The following AKR1B15 variants were observed in gnomAD, a reference collection of about 807,000 sequenced individuals.
AKR1B15 encodes estradiol 17-beta-dehydrogenase AKR1B15.
AKR1B15 carries 49 observed loss-of-function variants against 38.5 expected under a neutral mutation model. The observed-to-expected ratio is 1.27, with a 90% CI of 1.01 to 1.62. AKR1B15 has a LOEUF of 1.62. Ranked by LOEUF, AKR1B15 falls within the 40% of genes most tolerant of loss-of-function variation. The pLI is 0.00. For synonymous variants in AKR1B15, 137 were observed against 135.5 expected, an observed-to-expected ratio of 1.01 and a Z score of -0.08; for missense variants, 411 against 381.6, an observed-to-expected ratio of 1.08 and a Z score of -0.64.
At chr7:134,567,848 T>A (rs1781173750) in intron 3 of AKR1B15, among the ~76,000 whole-genome samples, 1 of 152,172 alleles carries the variant, frequency 6.6e-6, no homozygotes. Context: ...AAGGGCATAA[T>A]CATAAAATTA....
chr7:134,556,432 A>C (rs1794199037), intron 1 of AKR1B15, among the ~76,000 whole-genome samples: 1 of 152,122 alleles, frequency 6.6e-6, no homozygotes, highest in South Asian at 2.1e-4. Context: ...ACGTGCCCCC[A>C]TGCCCTTACA....
intron 6 of AKR1B15, chr7:134,573,526 ATGC>A: frequency 1.0e-6 from 1 of 985,448 alleles, no homozygotes; most frequent in Non-Finnish European, 1.2e-6. Context: ...TGAAACGAGC[ATGC>A]TTGAATACGT....
At chr7:134,564,911 G>A in intron 3 of AKR1B15, 142 bp downstream of exon 3, 2 of 504,898 alleles carry the variant, frequency 4.0e-6, no homozygotes, top group Non-Finnish European at 3.5e-6. Context: ...CTAGAGGATT[G>A]TAAATGCACC....
chr7:134,562,895 T>C lies in AKR1B15; in HGVS notation c.-22-1703T>C, dbSNP rs28524905. 4.6e-3 allele frequency among the ~76,000 whole-genome samples: 653 copies of C among 140,684 alleles called. 7 individuals carry two copies. Among genetic ancestry groups the C allele is most frequent in the African/African-American group, 0.017 (612 of 35,132 alleles). 92.3% of individuals were successfully genotyped at this position (140,684 alleles called of 152,430 possible). A position where few individuals can be genotyped will look rare whatever the true frequency, so the allele number is the denominator to read the frequency against. On this transcript the variant is annotated intron_variant, in intron 2 of 11. Coordinates refer to ENST00000457545, the MANE Select transcript of AKR1B15 (RefSeq NM_001080538.3). ...CTTTCTTTCTTTCTTTCTTTCCTTC[T>C]TTCTTCCTTCCTTCTTTCCTTCCTT...
In AKR1B15 at chr7:134,563,699, C is replaced by A. The variant is rs569845105; in HGVS notation, c.-22-899C>A. Among the ~76,000 whole-genome samples the A allele has an allele frequency of 2.0e-5, 3 of 152,308 alleles. No individual in the cohort carries two copies. In the East Asian group the frequency reaches 5.8e-4, roughly 29 times the overall value. On this transcript the variant is annotated intron_variant, in intron 2 of 11. Transcript: ENST00000457545. ...GCTAAAGGATTGTTAATGCACCAAT[C>A]AGCACTCTGTAAAAATGTACCAATC...
chr7:134,567,548 C>T (rs1458661299), intron 3 of AKR1B15, among the ~76,000 whole-genome samples: 1 of 123,568 alleles, frequency 8.1e-6, no homozygotes. Flanking sequence ...GTGGCTGGTG[C>T]TATTTTTTTT....
chr7:134,570,109 G>C (rs1256424363), intron 5 of AKR1B15: 1 of 152,638 alleles, frequency 6.6e-6, no homozygotes, highest in African/African-American at 2.4e-5. Context: ...CTAGGGGTAG[G>C]CCTCTAAAAT....
intron 11 of AKR1B15, among the ~76,000 whole-genome samples, chr7:134,578,851 A>T (rs1326201004): frequency 6.6e-6 from 1 of 152,202 alleles, no homozygotes; most frequent in African/African-American, 2.4e-5. Flanking sequence ...TATTTAGAGT[A>T]AAAAGGAAGG....
chr7:134,571,523 C>T (rs936395274), intron 5 of AKR1B15, 81 bp from the exon 6 acceptor site: 26 of 1,032,516 alleles, frequency 2.5e-5, no homozygotes, highest in Admixed American at 8.9e-5. Flanking sequence ...ATTTAGCAAG[C>T]ATCAGGATCC....
intron 2 of AKR1B15, among the ~76,000 whole-genome samples, chr7:134,558,929 A>G (rs941959236): frequency 2.6e-5 from 4 of 152,150 alleles, no homozygotes; most frequent in Non-Finnish European, 4.4e-5. Flanking sequence ...AGCTCGAACC[A>G]GCCTGGGAAG....
At chr7:134,564,818 G>A (rs1301367852) in intron 3 of AKR1B15, 49 bp downstream of exon 3, 11 of 581,372 alleles carry the variant, frequency 1.9e-5, no homozygotes, top group Non-Finnish European at 3.1e-5. Context: ...CAGTTGTGGT[G>A]TCCTGTTTAG....
intron 2 of AKR1B15, among the ~76,000 whole-genome samples, chr7:134,560,992 A>G (rs556688315): frequency 2.6e-5 from 4 of 152,130 alleles, no homozygotes; most frequent in Non-Finnish European, 5.9e-5. Context: ...AAATATACAC[A>G]TAGTTTACTG....
In AKR1B15 at chr7:134,564,786, G is replaced by A. The variant is rs373309291; in HGVS notation, c.150+17G>A. 1 of 651,930 alleles carries A rather than the reference G, an allele frequency of 1.5e-6. No homozygotes were observed. The highest frequency in any genetic ancestry group is 2.8e-5 in the East Asian group (1 of 35,918). 40.4% of individuals were successfully genotyped at this position (651,930 alleles called of 1,614,324 possible). The stretch of plus-strand genomic sequence containing the variant: ...TATCCAGCAGTAAGTGGCTAGAGAG[G>A]TCATCACCCAATTCCCAACAGCAGT... On this transcript the variant is annotated intron_variant, in intron 3 of 11. Transcript: ENST00000457545.
intron 3 of AKR1B15, chr7:134,565,395 C>T (rs1315853167): frequency 1.2e-6 from 2 of 1,602,156 alleles, no homozygotes; most frequent in Non-Finnish European, 1.7e-6. Flanking sequence ...CCAGCGAGAC[C>T]ACGAACCCTC....
chr7:134,559,843 C>T (rs1168969622), intron 2 of AKR1B15, among the ~76,000 whole-genome samples: 2 of 152,192 alleles, frequency 1.3e-5, no homozygotes, highest in African/African-American at 2.4e-5. Context: ...GGTGCAGTGG[C>T]TCACGCCTGT....
chr7:134,577,894 A>C, intron 11 of AKR1B15, 108 bp downstream of exon 11: 1 of 1,307,314 alleles, frequency 7.6e-7, no homozygotes. Flanking sequence ...GTCTTCAAAT[A>C]CTATTTTGGG....
intron 1 of AKR1B15, among the ~76,000 whole-genome samples, chr7:134,554,622 G>A (rs927707720): frequency 3.3e-5 from 5 of 152,144 alleles, no homozygotes; most frequent in African/African-American, 9.7e-5. Flanking sequence ...CCAGGCCACC[G>A]CCTCCAGGGA....
intron 1 of AKR1B15, among the ~76,000 whole-genome samples, chr7:134,554,453 A>T (rs375844466): frequency 1.3e-5 from 2 of 152,130 alleles, no homozygotes; most frequent in East Asian, 3.9e-4. Context: ...AACTTTTATC[A>T]ATCATCTACA....
intron 9 of AKR1B15, 121 bp from the exon 10 acceptor site, chr7:134,576,842 A>G (rs1280851736): frequency 2.2e-6 from 2 of 912,012 alleles, no homozygotes; most frequent in Non-Finnish European, 3.6e-6. Flanking sequence ...TGAAGGGCTC[A>G]GTAATTATTA....
Sources: gnomAD v4.1 joint callset for allele counts (sites outside exome capture counted in the v4.1 genomes callset) on GRCh38, gnomAD v4.1.1 for gene constraint, MANE v1.5 for transcripts, NCBI Gene and HGNC (gene_info 2026-07-23, HGNC 2026-07-21) for gene names.